The following MYH3 variants were observed in gnomAD, a reference collection of about 807,000 sequenced individuals.
The protein encoded by MYH3 is myosin heavy chain 3.
A neutral mutation model predicts 238.0 loss-of-function variants in MYH3; 130 were observed. The ratio of observed to expected loss-of-function variants is 0.55; its 90% CI spans 0.47 to 0.63. The LOEUF is 0.63. Among genes scored for constraint, MYH3 ranks in the 30% least tolerant of loss-of-function variants. The pLI is 0.00. For synonymous variants in MYH3, 880 were observed against 924.1 expected (o/e 0.95, Z 0.86); for missense variants, 1,853 against 2,374.9 (o/e 0.78, Z 4.57).
At chr17:10,657,821 A>G (rs139895638), upstream of MYH3, among the ~76,000 whole-genome samples, 1,392 of 145,022 alleles carry the variant, frequency 9.6e-3, 9 homozygotes, top group Admixed American at 0.015. Flanking sequence ...GGAATAATTA[A>G]TAATAATAAT....
the MYH3 span, among the ~76,000 whole-genome samples, chr17:10,664,274 A>C: frequency 1.3e-5 from 2 of 152,014 alleles, no homozygotes; most frequent in Non-Finnish European, 2.9e-5. Context: ...GCTCATGTAA[A>C]CTCTGCGAGG....
Position 10,649,700 on chromosome 17 carries a change from CA to C in MYH3, c.534-16del, listed in dbSNP as rs751500484. The C allele has an allele frequency of 1.9e-6, 3 of 1,609,918 alleles. No individual in the cohort carries two copies. The highest frequency in any genetic ancestry group is 4.5e-5 in the East Asian group (2 of 44,850). On this transcript the variant is annotated splice_polypyrimidine_tract_variant and intron_variant, in intron 6 of 40. Transcript: ENST00000583535. ...CGGATTCTCCGCTGTACAGAGTGAT[CA>C]AAAGAGAGAGAAAGAAACAAGTCTG...
Position 10,635,413 on chromosome 17 carries a change from A to T in MYH3, c.4126T>A (p.Tyr1376Asn), listed in dbSNP as rs1301376046. The T allele has an allele frequency of 1.2e-6, 2 of 1,614,002 alleles. No individual in the cohort carries two copies. Among genetic ancestry groups the T allele is most frequent in the East Asian group, 4.5e-5 (2 of 44,888 alleles). Residue 1376 changes from tyrosine to asparagine, a missense_variant, in exon 30 of 41, where the codon TAC becomes AAC. This residue lies in a region of MYH3 where 1,044 missense variants were observed against 1,192.6 expected (regional missense o/e 0.88). Coordinates refer to ENST00000583535, the MANE Select transcript of MYH3 (RefSeq NM_002470.4). ...GTGCGCTGGATGGCGTCCGTCTCGT[A>T]TTTGGTTCTCCACTGGGCAACCTCA... is the stretch of plus-strand genomic sequence containing the variant. ...NSEVAQWRTK[Y>N]ETDAIQRTEE...
intron 5 of MYH3, among the ~76,000 whole-genome samples, chr17:10,650,753 A>G (rs1195051149): frequency 6.6e-6 from 1 of 152,188 alleles, no homozygotes; most frequent in Non-Finnish European, 1.5e-5. Context: ...GAAATATACA[A>G]TGCATTATTA....
intron 7 of MYH3, 82 bp from the exon 8 acceptor site, chr17:10,648,731 A>G (rs2074346942): frequency 8.1e-7 from 1 of 1,227,192 alleles, no homozygotes; most frequent in Non-Finnish European, 1.2e-6. Flanking sequence ...GCTGCAGTGC[A>G]ATGGCACGAT....
the MYH3 span, among the ~76,000 whole-genome samples, chr17:10,670,430 CT>C: frequency 4.1e-4 from 63 of 152,088 alleles, no homozygotes; most frequent in Middle Eastern, 3.4e-3. The surrounding 1 kb of genome is among the most constrained non-coding windows in gnomAD (Gnocchi z 7.0). Flanking sequence ...TCCTAATGAT[CT>C]TTTTTTTCAC....
the MYH3 span, chr17:10,676,600 A>G: frequency 2.6e-5 from 4 of 152,186 alleles, no homozygotes; most frequent in Non-Finnish European, 5.9e-5. Context: ...AGAAAACTCA[A>G]GTTTTCTTTC....
At chr17:10,630,587 C>G (rs756705700) in intron 36 of MYH3, 129 bp from the exon 37 acceptor site, 5 of 1,384,172 alleles carry the variant, frequency 3.6e-6, no homozygotes, top group Non-Finnish European at 5.1e-6. Context: ...CGGTGGCTCA[C>G]GTCTGTAATC....
Position 10,652,562 on chromosome 17 carries a change from G to T in MYH3, c.206C>A (p.Thr69Asn), listed in dbSNP as rs1238136671. ...KVTVETEDNR[T>N]LVVKPEDVYA... ...CACATCCTCTGGTTTGACCACCAGG[G>T]TCTAAAAAGGAAGAGGCACAGTGCT... The change falls in exon 4 of 41, where the codon ACC (threonine) becomes AAC (asparagine). Residue 69 changes from threonine (T) to asparagine (N), a missense_variant and splice_region_variant. Thr to Asn is a moderately conservative substitution (Grantham distance 65). Transcript: ENST00000583535. The T allele has an allele frequency of 6.9e-6, 11 of 1,596,676 alleles. No homozygotes were observed. Among genetic ancestry groups the T allele is most frequent in the Admixed American group, 1.7e-5 (1 of 59,412 alleles).
At chr17:10,664,462 T>A in the MYH3 span, among the ~76,000 whole-genome samples, 2 of 152,028 alleles carry the variant, frequency 1.3e-5, no homozygotes, top group African/African-American at 4.8e-5. Context: ...GAGAAAAGAT[T>A]AGGGGATGGA....
In MYH3 at chr17:10,650,239, G is replaced by C. The variant is rs184671855; in HGVS notation, c.533+135C>G. On this transcript the variant is annotated intron_variant, in intron 6 of 40. Transcript: ENST00000583535. Reference sequence around the variant, plus strand: ...GATCCGCCCATCTCAGCCTACCAAAGTGCTGGGATTACAGGTGTCAGCCAC... The same window carrying C: ...GATCCGCCCATCTCAGCCTACCAAACTGCTGGGATTACAGGTGTCAGCCAC... 3.5e-3 allele frequency: 2,806 copies of C among 795,080 alleles called. 27 individuals carry two copies. The highest frequency in any genetic ancestry group is 0.023 in the Middle Eastern group (100 of 4,358). The allele number at this position is 795,080 out of a possible 1,614,324, so 49.3% of individuals were successfully genotyped here. A position where few individuals can be genotyped will look rare whatever the true frequency, so the allele number is the denominator to read the frequency against.
At chr17:10,644,804 C>T (rs771605571) in intron 12 of MYH3, 102 bp from the exon 13 acceptor site, 11 of 907,236 alleles carry the variant, frequency 1.2e-5, no homozygotes, top group Admixed American at 1.9e-5. Flanking sequence ...GTACATTGTG[C>T]ATTCCCTGTG....
At position 10,644,200 on chromosome 17, in the gene MYH3, A is replaced by G; in HGVS notation, c.1410+151T>C. On this transcript the variant is annotated intron_variant, in intron 14 of 40. Coordinates refer to ENST00000583535, the MANE Select transcript of MYH3 (RefSeq NM_002470.4). Reference sequence around the variant, plus strand: ...AAAAACCCTAATACAAACCCTTCCAATAAGTACCGCTCCTCTATTCCATCC... The same window carrying G: ...AAAAACCCTAATACAAACCCTTCCAGTAAGTACCGCTCCTCTATTCCATCC... 3 of 808,962 alleles carry G rather than the reference A, an allele frequency of 3.7e-6. No homozygotes were observed. In the South Asian group the frequency reaches 4.8e-5, roughly 13 times the overall value. The allele number at this position is 808,962 out of a possible 1,614,324, so 50.1% of individuals were successfully genotyped here.
At chr17:10,670,821 A>T in the MYH3 span, among the ~76,000 whole-genome samples, 1 of 152,144 alleles carries the variant, frequency 6.6e-6, no homozygotes. The surrounding 1 kb of genome is among the most constrained non-coding windows in gnomAD (Gnocchi z 7.0). Flanking sequence ...ATTAATCAAT[A>T]GCTCTATTTT....
rs377130319 is a variant in MYH3, at chr17:10,635,363, G to A, written c.4172+4C>T. The A allele has an allele frequency of 3.5e-5, 57 of 1,613,892 alleles. No homozygotes were observed. The highest frequency in any genetic ancestry group is 2.0e-4 in the South Asian group (18 of 91,080). On this transcript the variant is annotated splice_donor_region_variant and intron_variant, in intron 30 of 40. Coordinates refer to ENST00000583535, the MANE Select transcript of MYH3 (RefSeq NM_002470.4). ...TTCTTCTAAAAGCAAACAGAGCTGC[G>A]CACTTGGCCTCCTCCAGCTCTTCTG...
chr17:10,678,244 T>C, the MYH3 span: 10 of 152,208 alleles, frequency 6.6e-5, no homozygotes, highest in African/African-American at 1.9e-4. Context: ...AAGCGCACGA[T>C]AGCAGCAGAA....
chr17:10,665,676 C>CCAT, the MYH3 span, among the ~76,000 whole-genome samples: 1 of 152,148 alleles, frequency 6.6e-6, no homozygotes, highest in African/African-American at 2.4e-5. Flanking sequence ...GGGTGATTCA[C>CCAT]CATCATAAAG....
intron 40 of MYH3, among the ~76,000 whole-genome samples, chr17:10,629,163 G>T (rs2142375519): frequency 6.6e-6 from 1 of 152,164 alleles, no homozygotes; most frequent in East Asian, 1.9e-4. Flanking sequence ...TTGTCCTAAT[G>T]CTCTCCCTCC....
At chr17:10,651,821 G>C in intron 4 of MYH3, 153 bp from the exon 5 acceptor site, 1 of 1,072,174 alleles carries the variant, frequency 9.3e-7, no homozygotes, top group African/African-American at 1.7e-5. Context: ...TTGGCTCACT[G>C]CAACCTCCAC....
Sources: allele counts gnomAD v4.1 joint callset (sites outside exome capture counted in the v4.1 genomes callset), GRCh38; gene constraint gnomAD v4.1.1; regional missense constraint gnomAD v4.1.1; non-coding constraint Gnocchi (gnomAD v3.1); transcripts MANE v1.5; gene names NCBI Gene and HGNC (gene_info 2026-07-23, HGNC 2026-07-21).